The following BMP2K variants were observed in gnomAD, a reference collection of about 807,000 sequenced individuals.
BMP2K encodes BMP-2-inducible protein kinase.
BMP2K carries 74 observed loss-of-function variants against 116.0 expected under a neutral mutation model. The ratio of observed to expected loss-of-function variants is 0.64; its 90% CI spans 0.53 to 0.77. The LOEUF (loss-of-function observed/expected upper bound fraction) is 0.77. Among genes scored for constraint, BMP2K ranks in the 30% least tolerant of loss-of-function variants. The pLI is 0.00. For missense variants in BMP2K, 1,365 were observed against 1,403.6 expected (o/e 0.97, Z 0.44); for synonymous variants, 486 against 502.5 (o/e 0.97, Z 0.44).
chr4:78,906,803 G>A (rs1159918682), intron 15 of BMP2K, among the ~76,000 whole-genome samples: 2 of 152,094 alleles, frequency 1.3e-5, no homozygotes, highest in Non-Finnish European at 2.9e-5. Flanking sequence ...ATGGTAGAGT[G>A]CTTATTATGT....
chr4:78,881,074 G>T (rs1245645607), intron 14 of BMP2K, among the ~76,000 whole-genome samples: 1 of 152,172 alleles, frequency 6.6e-6, no homozygotes, highest in African/African-American at 2.4e-5. Context: ...TGTAATCTCA[G>T]ATAAGTCACT....
At chr4:78,801,389 G>A (rs1578477989) in intron 1 of BMP2K, among the ~76,000 whole-genome samples, 1 of 149,762 alleles carries the variant, frequency 6.7e-6, no homozygotes, top group Non-Finnish European at 1.5e-5. Context: ...TGTGTCATAA[G>A]TAACAGAGAA....
intron 7 of BMP2K, 89 bp from the exon 8 acceptor site, chr4:78,859,495 A>G: frequency 1.3e-6 from 1 of 796,900 alleles, no homozygotes; most frequent in Admixed American, 3.0e-5. Context: ...TGGAACAGAA[A>G]ATACATATTT....
In BMP2K at chr4:78,915,188, T is replaced by C. The variant is rs1002441916; in HGVS notation, c.*3155T>C. 1 of 151,988 alleles carries C rather than the reference T, an allele frequency of 6.6e-6. No individual in the cohort carries two copies. The allele number at this position is 151,988 out of a possible 1,614,324, so 9.4% of individuals were successfully genotyped here. On this transcript the variant is annotated 3_prime_UTR_variant, in exon 16 of 16. Coordinates refer to ENST00000502613, the MANE Select transcript of BMP2K (RefSeq NM_198892.2). ...TTACGACATTATCCGGATTTGCAAA[T>C]AGACACAACTTTCAGTCTTACCCTG...
chr4:78,788,729 G>C (rs1727856935), intron 1 of BMP2K, among the ~76,000 whole-genome samples: 1 of 151,538 alleles, frequency 6.6e-6, no homozygotes, highest in Non-Finnish European at 1.5e-5. Context: ...TTTGTGTATG[G>C]TATTTTTTGC....
intron 1 of BMP2K, among the ~76,000 whole-genome samples, chr4:78,782,410 A>G (rs1296801986): frequency 6.6e-6 from 1 of 152,252 alleles, no homozygotes; most frequent in Non-Finnish European, 1.5e-5. Context: ...TGGCCATACC[A>G]TGAACATTCA....
intron 1 of BMP2K, among the ~76,000 whole-genome samples, chr4:78,785,052 C>G (rs889302385): frequency 6.6e-6 from 1 of 152,160 alleles, no homozygotes; most frequent in African/African-American, 2.4e-5. Context: ...CTTTGACAGA[C>G]TTCACAATGG....
At chr4:78,843,183 C>T (rs1229905558) in intron 4 of BMP2K, among the ~76,000 whole-genome samples, 2 of 151,904 alleles carry the variant, frequency 1.3e-5, no homozygotes, top group African/African-American at 2.4e-5. Context: ...ACTGAGATTA[C>T]AAAAATCACT....
At position 78,915,654 on chromosome 4, in the gene BMP2K, ATC is replaced by A. The variant is rs1734987313; in HGVS notation, c.*3627_*3628del. 1 of 152,074 alleles carries A rather than the reference ATC, an allele frequency of 6.6e-6. No homozygotes were observed. Among genetic ancestry groups the A allele is most frequent in the South Asian group, 2.1e-4 (1 of 4,830 alleles). The allele number at this position is 152,074 out of a possible 1,614,324, so 9.4% of individuals were successfully genotyped here. A position where few individuals can be genotyped will look rare whatever the true frequency, so the allele number is the denominator to read the frequency against. On this transcript the variant is annotated 3_prime_UTR_variant, in exon 16 of 16. Coordinates refer to ENST00000502613, the MANE Select transcript of BMP2K (RefSeq NM_198892.2). ...AAATATGTACACACATGCATGTCAC[ATC>A]TCTCTACTGTGGAGTTAATGTGAAT...
chr4:78,897,960 C>G (rs1356023375), intron 15 of BMP2K, among the ~76,000 whole-genome samples: 1 of 152,138 alleles, frequency 6.6e-6, no homozygotes, highest in East Asian at 1.9e-4. Context: ...TCTGTTGGTG[C>G]ACAAAGGAGA....
chr4:78,848,216 A>G (rs1031191385), intron 6 of BMP2K, among the ~76,000 whole-genome samples: 3 of 151,576 alleles, frequency 2.0e-5, no homozygotes, highest in South Asian at 2.1e-4. Context: ...TTCACCAAAC[A>G]GTAATTCTTG....
intron 7 of BMP2K, among the ~76,000 whole-genome samples, chr4:78,853,107 G>A (rs1731334968): frequency 1.3e-5 from 2 of 152,122 alleles, no homozygotes; most frequent in Non-Finnish European, 2.9e-5. Flanking sequence ...ATGCAATGTA[G>A]TTGTTTCCAT....
chr4:78,880,682 A>T (rs1259285160), intron 14 of BMP2K, among the ~76,000 whole-genome samples: 1 of 152,232 alleles, frequency 6.6e-6, no homozygotes, highest in African/African-American at 2.4e-5. Context: ...GTATAACTTC[A>T]TAAAAATTGG....
chr4:78,806,923 A>G (rs1728850252), intron 1 of BMP2K, among the ~76,000 whole-genome samples: 2 of 150,282 alleles, frequency 1.3e-5, no homozygotes, highest in South Asian at 4.2e-4. Context: ...TCCTCGGCTC[A>G]CTGCAACCTC....
At chr4:78,859,350 T>G (rs1360860761) in intron 7 of BMP2K, 6 of 328,870 alleles carry the variant, frequency 1.8e-5, no homozygotes, top group Non-Finnish European at 3.3e-5. Flanking sequence ...AGTTTGTCAT[T>G]CATACTTCTA....
At chr4:78,841,110 T>C (rs558663017) in intron 3 of BMP2K, among the ~76,000 whole-genome samples, 2 of 152,242 alleles carry the variant, frequency 1.3e-5, no homozygotes, top group South Asian at 2.1e-4. Flanking sequence ...GATTCATAGG[T>C]AAAATTAATG....
chr4:78,879,124 C>T, intron 14 of BMP2K: 2 of 1,232,364 alleles, frequency 1.6e-6, no homozygotes, highest in Non-Finnish European at 2.0e-6. Flanking sequence ...TGCTAATATC[C>T]TAAAACTTAA....
intron 2 of BMP2K, among the ~76,000 whole-genome samples, chr4:78,826,421 T>C (rs1404072894): frequency 6.6e-6 from 1 of 152,148 alleles, no homozygotes; most frequent in African/African-American, 2.4e-5. Context: ...CAGGCTGGTC[T>C]TGAACTCCTG....
rs1291747358 is a variant in BMP2K at position 78,842,459 on chromosome 4, T to G, written c.478T>G (p.Cys160Gly). 1 of 1,609,044 alleles carries G rather than the reference T, an allele frequency of 6.2e-7. No homozygotes were observed. Among genetic ancestry groups the G allele is most frequent in the Admixed American group, 1.7e-5 (1 of 59,914 alleles). ...AGAACCAGAAGTGTTACAGATATTC[T>G]GTGATACCTGTGAAGCTGTTGCAAG... ...FTEPEVLQIFCDTCEAVARLH... is the reference protein window; with the variant it reads ...FTEPEVLQIFGDTCEAVARLH... The change falls in exon 4 of 16, where the codon TGT becomes GGT. Residue 160 changes from cysteine (C) to glycine (G), a missense_variant. Cys to Gly is a radical substitution (Grantham distance 159). Around this residue, in one of 3 missense-constraint regions of BMP2K, gnomAD observed 762 missense variants for 756.7 expected, o/e 1.01. Coordinates refer to ENST00000502613, the MANE Select transcript of BMP2K (RefSeq NM_198892.2).
Sources: allele counts gnomAD v4.1 joint callset (sites outside exome capture counted in the v4.1 genomes callset), GRCh38; gene constraint gnomAD v4.1.1; regional missense constraint gnomAD v4.1.1; transcripts MANE v1.5; gene names NCBI Gene and HGNC (gene_info 2026-07-23, HGNC 2026-07-21).